Variants in TMEM114 observed in about 807,000 individuals in gnomAD.
TMEM114 encodes the protein transmembrane protein 114.
Under a neutral mutation model 6.2 loss-of-function variants are expected in TMEM114, and 6 were observed. The observed-to-expected ratio is 0.97, with a 90% CI of 0.53 to 1.91. The LOEUF (loss-of-function observed/expected upper bound fraction) is 1.91, where lower values mean the gene tolerates loss of function less well. Ranked by LOEUF, TMEM114 falls within the 40% of genes most tolerant of loss-of-function variation. TMEM114 has a pLI of 0.01. For synonymous variants in TMEM114, 104 were observed against 73.0 expected (o/e 1.42, Z -2.16); for missense variants, 218 against 158.3 (o/e 1.38, Z -2.02).
chr16:8,528,463 C>T, the TMEM114 span, among the ~76,000 whole-genome samples: 1 of 152,144 alleles, frequency 6.6e-6, no homozygotes, highest in Non-Finnish European at 1.5e-5. Context: ...TCAAAGCATC[C>T]AATCACACCC....
chr16:8,572,385 TGAC>T, intron 2 of TMEM114, 161 bp from the exon 3 acceptor site: 1 of 771,054 alleles, frequency 1.3e-6, no homozygotes, highest in Non-Finnish European at 2.1e-6. Flanking sequence ...ATGATGACCA[TGAC>T]AACAGTGGTT....
chr16:8,565,120 A>G (rs1901496835), downstream of TMEM114, among the ~76,000 whole-genome samples: 1 of 152,116 alleles, frequency 6.6e-6, no homozygotes, highest in African/African-American at 2.4e-5. Context: ...TGAGTGAGTG[A>G]GTGGGTAAGC....
intron 2 of TMEM114, among the ~76,000 whole-genome samples, chr16:8,560,355 C>T (rs1901160104): frequency 6.6e-6 from 1 of 152,024 alleles, no homozygotes; most frequent in Non-Finnish European, 1.5e-5. Context: ...GCTTGTCCAT[C>T]AGTGGGAGCG....
chr16:8,579,877 A>C (rs1902076258), intron 2 of TMEM114, among the ~76,000 whole-genome samples: 1 of 152,202 alleles, frequency 6.6e-6, no homozygotes, highest in Non-Finnish European at 1.5e-5. Context: ...GTGGGACTGC[A>C]GACATGGACA....
chr16:8,527,349 G>C, the TMEM114 span, among the ~76,000 whole-genome samples: 1 of 152,172 alleles, frequency 6.6e-6, no homozygotes, highest in African/African-American at 2.4e-5. Flanking sequence ...CAGCTTTGGT[G>C]TCAGGGACAC....
downstream of TMEM114, among the ~76,000 whole-genome samples, chr16:8,567,066 AT>A (rs34500863): frequency 0.56 from 80,887 of 143,910 alleles, 23,003 homozygotes; most frequent in African/African-American, 0.69. Flanking sequence ...ACAGCTGGCT[AT>A]TTTTTTTTTT....
intron 2 of TMEM114, among the ~76,000 whole-genome samples, chr16:8,542,348 T>A (rs1238332424): frequency 6.6e-6 from 1 of 152,202 alleles, no homozygotes; most frequent in East Asian, 1.9e-4. Flanking sequence ...AGTAAACCAA[T>A]TCCATCTATT....
At chr16:8,573,226 C>A (rs970407112) in intron 2 of TMEM114, among the ~76,000 whole-genome samples, 1 of 152,058 alleles carries the variant, frequency 6.6e-6, no homozygotes, top group South Asian at 2.1e-4. Context: ...TTGAAGACCA[C>A]GTGATGTGTG....
downstream of TMEM114, among the ~76,000 whole-genome samples, chr16:8,535,853 G>T (rs1900341076): frequency 6.6e-6 from 1 of 152,196 alleles, no homozygotes; most frequent in African/African-American, 2.4e-5. Flanking sequence ...CCATGTTTTA[G>T]CCCCGGCTCT....
At chr16:8,585,587 C>T (rs1458405299) in intron 2 of TMEM114, among the ~76,000 whole-genome samples, 1 of 151,352 alleles carries the variant, frequency 6.6e-6, no homozygotes, top group East Asian at 1.9e-4. Context: ...AGAGCTTGGA[C>T]CAAACTCAAA....
At chr16:8,565,377 G>A (rs1176578507), downstream of TMEM114, among the ~76,000 whole-genome samples, 5 of 152,198 alleles carry the variant, frequency 3.3e-5, no homozygotes, top group African/African-American at 1.2e-4. Flanking sequence ...GTGAATAAAT[G>A]AATGGATCTT....
the TMEM114 span, among the ~76,000 whole-genome samples, chr16:8,531,681 C>A: frequency 6.6e-6 from 1 of 152,194 alleles, no homozygotes; most frequent in Non-Finnish European, 1.5e-5. Flanking sequence ...AATGAAGTGA[C>A]CAGTGTAACA....
chr16:8,538,610 C>T (rs764715880), intron 2 of TMEM114, among the ~76,000 whole-genome samples: 2 of 152,046 alleles, frequency 1.3e-5, no homozygotes, highest in Non-Finnish European at 2.9e-5. Flanking sequence ...TGGGTCCACG[C>T]CATTCTCTTG....
chr16:8,563,834 TGAGGGAGGGAGGGAGG>T (rs374219413), intron 2 of TMEM114, among the ~76,000 whole-genome samples: 2 of 116,998 alleles, frequency 1.7e-5, no homozygotes, highest in African/African-American at 3.3e-5. Flanking sequence ...AGTGAATGAG[TGAGGGAGGGAGGGAGG>T]GAGGGAGGGA....
intron 2 of TMEM114, among the ~76,000 whole-genome samples, chr16:8,559,401 C>G (rs1342538675): frequency 7.4e-6 from 1 of 134,302 alleles, no homozygotes; most frequent in Non-Finnish European, 1.5e-5. Flanking sequence ...GACCAACGTC[C>G]CAGCTGTGGA....
At chr16:8,573,796 A>G (rs1273685409) in intron 2 of TMEM114, among the ~76,000 whole-genome samples, 4 of 152,148 alleles carry the variant, frequency 2.6e-5, no homozygotes, top group Non-Finnish European at 5.9e-5. Flanking sequence ...GTGCCCCCTC[A>G]GCACCCCATA....
At chr16:8,532,427 G>A in the TMEM114 span, among the ~76,000 whole-genome samples, 12 of 152,072 alleles carry the variant, frequency 7.9e-5, no homozygotes, top group Non-Finnish European at 1.5e-4. Flanking sequence ...TCTGACCCTA[G>A]TATTATGATC....
chr16:8,548,813 G>A (rs1411574035), intron 2 of TMEM114, among the ~76,000 whole-genome samples: 1 of 151,980 alleles, frequency 6.6e-6, no homozygotes, highest in East Asian at 1.9e-4. Flanking sequence ...AGGAGCTACT[G>A]TTAAAAAGAA....
intron 2 of TMEM114, among the ~76,000 whole-genome samples, chr16:8,584,983 C>T (rs1902275402): frequency 6.6e-6 from 1 of 150,406 alleles, no homozygotes; most frequent in South Asian, 2.1e-4. Context: ...AAAAGACACA[C>T]CTGAGACTGG....
Sources: gnomAD v4.1 joint callset for allele counts (sites outside exome capture counted in the v4.1 genomes callset) on GRCh38, gnomAD v4.1.1 for gene constraint, MANE v1.5 for transcripts, NCBI Gene and HGNC (gene_info 2026-07-23, HGNC 2026-07-21) for gene names.